The following SLC24A2 variants were observed in gnomAD, a reference collection of about 807,000 sequenced individuals.
The protein encoded by SLC24A2 is solute carrier family 24 member 2.
SLC24A2 carries 36 observed loss-of-function variants against 62.0 expected under a neutral mutation model. The ratio of observed to expected loss-of-function variants is 0.58; its 90% CI spans 0.44 to 0.77. SLC24A2 has a LOEUF of 0.77. SLC24A2 is among the 30% of genes least tolerant of loss of function. SLC24A2 has a pLI of 0.00. For synonymous variants in SLC24A2, 358 were observed against 294.0 expected, an observed-to-expected ratio of 1.22 and a Z score of -2.23; for missense variants, 846 against 817.9, an observed-to-expected ratio of 1.03 and a Z score of -0.42.
intron 8 of SLC24A2, among the ~76,000 whole-genome samples, chr9:19,549,807 G>T (rs915059370): frequency 6.6e-6 from 1 of 152,138 alleles, no homozygotes; most frequent in Non-Finnish European, 1.5e-5. Flanking sequence ...ATTCTTGATC[G>T]ACAGGATCCA....
At chr9:19,921,760 G>A in the SLC24A2 span, among the ~76,000 whole-genome samples, 1 of 151,988 alleles carries the variant, frequency 6.6e-6, no homozygotes, top group Non-Finnish European at 1.5e-5. Context: ...TTTCCTCAGG[G>A]AACTCTACGG....
chr9:19,702,562 C>T (rs751275796), intron 2 of SLC24A2, among the ~76,000 whole-genome samples: 19 of 152,108 alleles, frequency 1.2e-4, no homozygotes, highest in Non-Finnish European at 2.2e-4. Flanking sequence ...AACTAGGGCT[C>T]CCAGAACTGG....
At chr9:19,997,214 T>G in the SLC24A2 span, among the ~76,000 whole-genome samples, 1 of 152,146 alleles carries the variant, frequency 6.6e-6, no homozygotes, top group Admixed American at 6.6e-5. Flanking sequence ...CTGGTCTTGG[T>G]GCTAGATTTG....
the SLC24A2 span, among the ~76,000 whole-genome samples, chr9:20,213,869 TTG>T: frequency 6.6e-6 from 1 of 152,196 alleles, no homozygotes; most frequent in Non-Finnish European, 1.5e-5. Flanking sequence ...ACATACAACA[TTG>T]TAAGATAGGT....
At chr9:19,558,577 T>G (rs1835224469) in intron 7 of SLC24A2, among the ~76,000 whole-genome samples, 1 of 152,188 alleles carries the variant, frequency 6.6e-6, no homozygotes, top group South Asian at 2.1e-4. Flanking sequence ...TGGGGGACAC[T>G]GTAGAAGATG....
the SLC24A2 span, among the ~76,000 whole-genome samples, chr9:19,933,590 A>T: frequency 6.6e-6 from 1 of 152,308 alleles, no homozygotes; most frequent in African/African-American, 2.4e-5. Context: ...TTCCACAGTT[A>T]CCACAGGACC....
the SLC24A2 span, among the ~76,000 whole-genome samples, chr9:20,177,858 T>C: frequency 6.6e-6 from 1 of 152,146 alleles, no homozygotes; most frequent in South Asian, 2.1e-4. Flanking sequence ...CATCTCTCTT[T>C]TGAAGATGAG....
chr9:19,855,163 T>C, the SLC24A2 span, among the ~76,000 whole-genome samples: 1 of 152,200 alleles, frequency 6.6e-6, no homozygotes, highest in Non-Finnish European at 1.5e-5. Flanking sequence ...TCTATCTCTT[T>C]ATTTTGAGCC....
chr9:19,520,299 C>G (rs3780219), intron 10 of SLC24A2, among the ~76,000 whole-genome samples: 59,529 of 151,836 alleles, frequency 0.39, 11,791 homozygotes, highest in Middle Eastern at 0.47. Context: ...GATCGCAGCA[C>G]CTCTCCCCAG....
chr9:20,178,821 A>G, the SLC24A2 span, among the ~76,000 whole-genome samples: 1 of 152,128 alleles, frequency 6.6e-6, no homozygotes, highest in Non-Finnish European at 1.5e-5. Context: ...CAACATATTG[A>G]TACATTTAGA....
At chr9:19,850,968 T>TACATAC in the SLC24A2 span, among the ~76,000 whole-genome samples, 14 of 13,366 alleles carry the variant, frequency 1.0e-3, 1 homozygote, top group African/African-American at 1.8e-3. Context: ...TATATATATG[T>TACATAC]ATATATATAT....
At chr9:19,792,324 ATT>A (rs1490162996), upstream of SLC24A2, among the ~76,000 whole-genome samples, 1 of 152,056 alleles carries the variant, frequency 6.6e-6, no homozygotes, top group East Asian at 1.9e-4. Flanking sequence ...GCAATTTTTT[ATT>A]GTTTTTGACT....
chr9:19,855,276 T>G, the SLC24A2 span, among the ~76,000 whole-genome samples: 1 of 152,184 alleles, frequency 6.6e-6, no homozygotes, highest in African/African-American at 2.4e-5. Flanking sequence ...ATTGGGGAAT[T>G]TAGCCCACTT....
At chr9:20,218,384 C>G in the SLC24A2 span, among the ~76,000 whole-genome samples, 1 of 152,122 alleles carries the variant, frequency 6.6e-6, no homozygotes, top group African/African-American at 2.4e-5. Flanking sequence ...ATTTCTAGTG[C>G]TCCATCCAAC....
chr9:19,780,465 AC>A (rs1822980543), intron 2 of SLC24A2, among the ~76,000 whole-genome samples: 1 of 151,248 alleles, frequency 6.6e-6, no homozygotes, highest in African/African-American at 2.4e-5. Flanking sequence ...ACGGGGTTTC[AC>A]CATCTTGGCC....
intron 4 of SLC24A2, among the ~76,000 whole-genome samples, chr9:19,608,991 C>T (rs1175314179): frequency 2.0e-5 from 3 of 152,192 alleles, no homozygotes; most frequent in African/African-American, 7.2e-5. Context: ...AGGCTCCTTA[C>T]CTCCTTCAAG....
At chr9:20,105,940 T>C in the SLC24A2 span, among the ~76,000 whole-genome samples, 1 of 151,982 alleles carries the variant, frequency 6.6e-6, no homozygotes, top group Non-Finnish European at 1.5e-5. Context: ...ACAAAATTGA[T>C]AAACCGCTGG....
the SLC24A2 span, among the ~76,000 whole-genome samples, chr9:19,874,972 G>A: frequency 8.6e-6 from 1 of 115,702 alleles, no homozygotes; most frequent in East Asian, 2.5e-4. Context: ...TGTTTTCTAT[G>A]TCTAACTTTA....
chr9:19,995,171 A>G, the SLC24A2 span, among the ~76,000 whole-genome samples: 2 of 152,098 alleles, frequency 1.3e-5, no homozygotes, highest in Non-Finnish European at 2.9e-5. Context: ...TAAACTTGCA[A>G]CAAATATTGG....
Sources: allele counts gnomAD v4.1 joint callset (sites outside exome capture counted in the v4.1 genomes callset), GRCh38; gene constraint gnomAD v4.1.1; transcripts MANE v1.5; gene names NCBI Gene and HGNC (gene_info 2026-07-23, HGNC 2026-07-21).